Variants in FBF1 observed in about 807,000 individuals in gnomAD.
FBF1 encodes Fas binding factor 1, also known as fas-binding factor 1.
Under a neutral mutation model 147.2 loss-of-function variants are expected in FBF1, and 119 were observed. The ratio of observed to expected loss-of-function variants is 0.81; its 90% confidence interval spans 0.70 to 0.94. The LOEUF is 0.94. FBF1 is among the 40% of genes least tolerant of loss of function. The probability of loss-of-function intolerance (pLI) is 0.00; values close to 1 mark genes in which losing one functional copy is unlikely to be tolerated. For missense variants in FBF1, 1,449 were observed against 1,500.8 expected (o/e 0.97, Z 0.57); for synonymous variants, 601 against 609.0 (o/e 0.99, Z 0.19).
Position 75,927,501 on chromosome 17 carries a change from CGG to C in FBF1, c.427_428del (p.Pro143ValfsTer15), listed in dbSNP as rs1567862377. On this transcript the variant is annotated frameshift_variant, in exon 9 of 30. Coordinates refer to ENST00000636174, the MANE Select transcript of FBF1 (RefSeq NM_001319193.2). LOFTEE classifies it high-confidence loss of function. Reference sequence around the variant, plus strand: ...TCTGATGCCCAGAGCTGCTGGGAGACGGAAGTGACTTCTTGGTGGGAATGGCA... The same window carrying C: ...TCTGATGCCCAGAGCTGCTGGGAGACAAGTGACTTCTTGGTGGGAATGGCA... The part of the protein sequence containing the change: ...GGAIPTKKSL[P>X]SPSSSGHQNR... The C allele has an allele frequency of 6.2e-7, 1 of 1,603,706 alleles. No individual in the cohort carries two copies. Among genetic ancestry groups the C allele is most frequent in the East Asian group, 2.3e-5 (1 of 43,770 alleles).
chr17:75,938,724 G>A (rs1319695932), intron 1 of FBF1, among the ~76,000 whole-genome samples: 1 of 151,996 alleles, frequency 6.6e-6, no homozygotes, highest in African/African-American at 2.4e-5. Flanking sequence ...AAATTAGCTG[G>A]GTGTGGTGGC....
rs908383957 is a variant in FBF1 at position 75,932,817 on chromosome 17, T to C, written c.167+178A>G. Among the ~76,000 whole-genome samples, 3 of 142,198 alleles carry C rather than the reference T, an allele frequency of 2.1e-5. No homozygotes were observed. The Admixed American group carries it at 2.2e-4, about 10-fold the overall frequency. 93.3% of individuals were successfully genotyped at this position (142,198 alleles called of 152,430 possible). On this transcript the variant is annotated intron_variant, in intron 5 of 29. Transcript: ENST00000636174. ...AGGAGAATTGCTTGAACCGGGGTGG[T>C]GGAGGTTGCAGTGAGCCGAGATGGT...
chr17:75,924,692 G>C (rs895222297), intron 13 of FBF1, among the ~76,000 whole-genome samples: 1 of 152,096 alleles, frequency 6.6e-6, no homozygotes, highest in Non-Finnish European at 1.5e-5. Context: ...TGGCCAGGCT[G>C]GTCTTGAACT....
chr17:75,930,370 G>C (rs2065587195), intron 6 of FBF1, among the ~76,000 whole-genome samples: 1 of 152,298 alleles, frequency 6.6e-6, no homozygotes, highest in South Asian at 2.1e-4. Context: ...GTTTATAAGG[G>C]GAAAGGAGCA....
Position 75,933,086 on chromosome 17 carries a change from T to C in FBF1, c.76A>G (p.Thr26Ala). Reference sequence around the variant, plus strand: ...AGTTTAACAGGCTTCTCAGGTAGTGTCACTGGAAAAAAAGAAAAGAGAAAA... The same window carrying C: ...AGTTTAACAGGCTTCTCAGGTAGTGCCACTGGAAAAAAAGAAAAGAGAAAA... ...FLGDLLGDDMTLPEKPVKLAS... is the reference protein window; with the variant it reads ...FLGDLLGDDMALPEKPVKLAS... The change falls in exon 5 of 30, where the codon ACA becomes GCA. Residue 26 changes from threonine (T) to alanine (A), a missense_variant and splice_region_variant. Physicochemically the swap from Thr to Ala is moderately conservative, Grantham distance 58. Coordinates refer to ENST00000636174, the MANE Select transcript of FBF1 (RefSeq NM_001319193.2). 6.3e-7 allele frequency: 1 copy of C among 1,598,458 alleles called. No homozygotes were observed.
intron 5 of FBF1, 53 bp downstream of exon 5, chr17:75,932,942 A>G: frequency 8.1e-7 from 1 of 1,231,148 alleles, no homozygotes; most frequent in Non-Finnish European, 1.2e-6. Flanking sequence ...GGAGGGGCAG[A>G]GAGCATTTAG....
chr17:75,940,463 C>T (rs945669629), intron 1 of FBF1: 3 of 152,126 alleles, frequency 2.0e-5, no homozygotes, highest in Non-Finnish European at 2.9e-5. Flanking sequence ...CCTATGTTGC[C>T]CAGGGTCGTC....
chr17:75,936,220 A>C (rs1339667176), intron 3 of FBF1, among the ~76,000 whole-genome samples: 1 of 150,998 alleles, frequency 6.6e-6, no homozygotes, highest in African/African-American at 2.5e-5. Context: ...AGGCTGAGGC[A>C]GAAGAATCAC....
chr17:75,939,309 A>AC (rs1567865890), intron 1 of FBF1, among the ~76,000 whole-genome samples: 12 of 134,028 alleles, frequency 9.0e-5, no homozygotes, highest in South Asian at 5.2e-4. Context: ...AAAAAAAAAA[A>AC]AAAAAAAACG....
chr17:75,924,221 T>A (rs1390153643), intron 13 of FBF1, among the ~76,000 whole-genome samples: 3 of 151,852 alleles, frequency 2.0e-5, no homozygotes, highest in Non-Finnish European at 2.9e-5. Flanking sequence ...CTAAAAAAAA[T>A]AATAATAAGT....
intron 5 of FBF1, among the ~76,000 whole-genome samples, chr17:75,932,017 A>G (rs2065597518): frequency 6.6e-6 from 1 of 152,218 alleles, no homozygotes; most frequent in African/African-American, 2.4e-5. Flanking sequence ...TAAGTAACAG[A>G]TAGAGGATAG....
At position 75,920,276 on chromosome 17, in the gene FBF1, GGGCCTCCAGCTCTGCCAGCCGGGC is replaced by G. The variant is rs1343427570; in HGVS notation, c.1804_1827del (p.Ala602_Ala609del). On this transcript the variant is annotated inframe_deletion, in exon 18 of 30. Transcript: ENST00000636174. The stretch of plus-strand genomic sequence containing the variant: ...CCAACGGCCCCGCTGCCCCTCACCT[GGGCCTCCAGCTCTGCCAGCCGGGC>G]CTGGCTATGCAGCAGCTCGGCCTGG... 2 of 1,609,000 alleles carry G rather than the reference GGGCCTCCAGCTCTGCCAGCCGGGC, an allele frequency of 1.2e-6. No homozygotes were observed. Among genetic ancestry groups the G allele is most frequent in the Non-Finnish European group, 1.7e-6 (2 of 1,177,890 alleles).
rs117442140 is a variant in FBF1 at position 75,925,125 on chromosome 17, G to A, written c.968+222C>T. Among the ~76,000 whole-genome samples, 7 of 152,332 alleles carry A rather than the reference G, an allele frequency of 4.6e-5. No homozygotes were observed. The highest frequency in any genetic ancestry group is 1.9e-4 in the East Asian group (1 of 5,188). ...TGGGGCACTGGCGAACCTGAGCAGCGTCTGGGATGGGGGTTCCCACTGGGG... is the reference window on the plus strand; with the variant it reads ...TGGGGCACTGGCGAACCTGAGCAGCATCTGGGATGGGGGTTCCCACTGGGG... On this transcript the variant is annotated intron_variant, in intron 13 of 29. Coordinates refer to ENST00000636174, the MANE Select transcript of FBF1 (RefSeq NM_001319193.2). The surrounding 1 kb of genome is among the most constrained non-coding windows in gnomAD (Gnocchi z 5.0).
rs2065552450 is a variant in FBF1, at chr17:75,925,203, T to G, written c.968+144A>C. 5.2e-6 allele frequency: 3 copies of G among 577,578 alleles called. No homozygotes were observed. The highest frequency in any genetic ancestry group is 8.9e-6 in the Non-Finnish European group (3 of 336,232). The allele number at this position is 577,578 out of a possible 1,614,324, so 35.8% of individuals were successfully genotyped here. A position where few individuals can be genotyped will look rare whatever the true frequency, so the allele number is the denominator to read the frequency against. On this transcript the variant is annotated intron_variant, in intron 13 of 29. Transcript: ENST00000636174. The surrounding 1 kb of genome is among the most constrained non-coding windows in gnomAD (Gnocchi z 5.0). ...CGGGACCAGGCCATCTCCCGCTTCC[T>G]TCAGCACCTGCAGAGCTGAGGGCCT...
Position 75,928,866 on chromosome 17 carries a change from C to T in FBF1, c.280-673G>A, listed in dbSNP as rs1295812192. 6.6e-6 allele frequency among the ~76,000 whole-genome samples: 1 copy of T among 152,112 alleles called. No individual in the cohort carries two copies. Among genetic ancestry groups the T allele is most frequent in the Non-Finnish European group, 1.5e-5 (1 of 68,030 alleles). ...ATAAAGACAGAGTCTCACTCTGTCACCCAGGCTGGAGTGAAGTGGTGCGAT... is the reference window on the plus strand; with the variant it reads ...ATAAAGACAGAGTCTCACTCTGTCATCCAGGCTGGAGTGAAGTGGTGCGAT... On this transcript the variant is annotated intron_variant, in intron 7 of 29. Coordinates refer to ENST00000636174, the MANE Select transcript of FBF1 (RefSeq NM_001319193.2). This position sits in a 1 kb window ranked among gnomAD's most constrained non-coding sequence, Gnocchi z 4.2.
chr17:75,919,638 G>A lies in FBF1; in HGVS notation c.2138+30C>T. 6.4e-7 allele frequency: 1 copy of A among 1,565,982 alleles called. No homozygotes were observed. The highest frequency in any genetic ancestry group is 2.4e-5 in the East Asian group (1 of 42,308). On this transcript the variant is annotated intron_variant, in intron 20 of 29. Coordinates refer to ENST00000636174, the MANE Select transcript of FBF1 (RefSeq NM_001319193.2). This position sits in a 1 kb window ranked among gnomAD's most constrained non-coding sequence, Gnocchi z 5.0. The stretch of plus-strand genomic sequence containing the variant: ...TCTTCCGGCTACTCCTTGCAAGCCT[G>A]CTCCCCAGCTGCCTGTCCCTGGGCC...
At chr17:75,911,490 A>T (rs2065456463) in intron 29 of FBF1, among the ~76,000 whole-genome samples, 1 of 151,360 alleles carries the variant, frequency 6.6e-6, no homozygotes, top group Admixed American at 6.6e-5. Context: ...GGGACTATAG[A>T]TATGCCCCAC....
In FBF1 at chr17:75,912,180, G is replaced by A. The variant is rs1271753125; in HGVS notation, c.3363+12C>T. 1 of 1,597,784 alleles carries A rather than the reference G, an allele frequency of 6.3e-7. No individual in the cohort carries two copies. Among genetic ancestry groups the A allele is most frequent in the Admixed American group, 1.7e-5 (1 of 57,634 alleles). ...GTGAACACAAGGATCCCCAAGGCCA[G>A]GAGAGACTCACCTGCTCTGCCATGT... On this transcript the variant is annotated intron_variant, in intron 29 of 29. Coordinates refer to ENST00000636174, the MANE Select transcript of FBF1 (RefSeq NM_001319193.2).
chr17:75,918,692 G>A lies in FBF1; in HGVS notation c.2139-423C>T, dbSNP rs1323539623. The stretch of plus-strand genomic sequence containing the variant: ...TTTTAGTAGAGATGGGGTTTCCACC[G>A]TGTTGCCCAGGCTGGTCTCGAACTT... On this transcript the variant is annotated intron_variant, in intron 20 of 29. Coordinates refer to ENST00000636174, the MANE Select transcript of FBF1 (RefSeq NM_001319193.2). This position sits in a 1 kb window ranked among gnomAD's most constrained non-coding sequence, Gnocchi z 5.8. 1.3e-5 allele frequency among the ~76,000 whole-genome samples: 2 copies of A among 151,908 alleles called. No individual in the cohort carries two copies. Among genetic ancestry groups the A allele is most frequent in the African/African-American group, 2.4e-5 (1 of 41,354 alleles).
Sources: allele counts gnomAD v4.1 joint callset (sites outside exome capture counted in the v4.1 genomes callset), GRCh38; gene constraint gnomAD v4.1.1; non-coding constraint Gnocchi (gnomAD v3.1); transcripts MANE v1.5; gene names NCBI Gene and HGNC (gene_info 2026-07-23, HGNC 2026-07-21).